Variants in ZMIZ2 observed in about 807,000 individuals in gnomAD.
The protein encoded by ZMIZ2 is zinc finger MIZ domain-containing protein 2.
ZMIZ2 carries 26 observed loss-of-function variants against 93.9 expected under a neutral mutation model. That is an observed-to-expected ratio of 0.28 (90% CI 0.20 to 0.38). ZMIZ2 has a LOEUF of 0.38. ZMIZ2 is among the 10% of genes least tolerant of loss of function. The probability of loss-of-function intolerance (pLI) is 1.00; values close to 1 mark genes in which losing one functional copy is unlikely to be tolerated. For missense variants in ZMIZ2, 1,023 were observed against 1,235.0 expected, an observed-to-expected ratio of 0.83 and a Z score of 2.57; for synonymous variants, 485 against 516.4, an observed-to-expected ratio of 0.94 and a Z score of 0.82.
chr7:44,764,493 C>G lies in ZMIZ2; in HGVS notation c.1928+7C>G. 6.2e-7 allele frequency: 1 copy of G among 1,614,052 alleles called. No homozygotes were observed. Among genetic ancestry groups the G allele is most frequent in the Non-Finnish European group, 8.5e-7 (1 of 1,179,960 alleles). ...GGAGGTGTCCTGTGTGCAAGTGAGT[C>G]TCAGATGCAGCGTGTGATGGAGGAG... On this transcript the variant is annotated splice_region_variant and intron_variant, in intron 14 of 18. Transcript: ENST00000309315.
In ZMIZ2 at chr7:44,766,796, G is replaced by GC; in HGVS notation, c.2655+134dup. The GC allele has an allele frequency of 7.1e-7, 1 of 1,415,808 alleles. No homozygotes were observed. Among genetic ancestry groups the GC allele is most frequent in the Non-Finnish European group, 9.4e-7 (1 of 1,058,318 alleles). 87.7% of individuals were successfully genotyped at this position (1,415,808 alleles called of 1,614,324 possible). Reference sequence around the variant, plus strand: ...GGTCAGATAAGGTCAACTAAATGCAGCTTTTGTTCATGAATTAGATACCTG... The same window carrying GC: ...GGTCAGATAAGGTCAACTAAATGCAGCCTTTTGTTCATGAATTAGATACCTG... On this transcript the variant is annotated intron_variant, in intron 18 of 18. Transcript: ENST00000309315. This position sits in a 1 kb window ranked among gnomAD's most constrained non-coding sequence, Gnocchi z 4.4.
chr7:44,764,069 C>T (rs1456150329), intron 13 of ZMIZ2, among the ~76,000 whole-genome samples: 3 of 152,070 alleles, frequency 2.0e-5, no homozygotes, highest in Non-Finnish European at 2.9e-5. Context: ...ACCTGGGAGG[C>T]GGAGGTTGCA....
In ZMIZ2 at chr7:44,763,499, C is replaced by T. The variant is rs765330715; in HGVS notation, c.1860+86C>T. On this transcript the variant is annotated intron_variant, in intron 13 of 18. Coordinates refer to ENST00000309315, the MANE Select transcript of ZMIZ2 (RefSeq NM_031449.4). This position sits in a 1 kb window ranked among gnomAD's most constrained non-coding sequence, Gnocchi z 5.6. ...ACATCAGTGTCATTCTCTGGACAGACGTGAACTCCGAGTGCCTTGGCTGTC... is the reference window on the plus strand; with the variant it reads ...ACATCAGTGTCATTCTCTGGACAGATGTGAACTCCGAGTGCCTTGGCTGTC... 169 of 1,528,920 alleles carry T rather than the reference C, an allele frequency of 1.1e-4. No homozygotes were observed. The highest frequency in any genetic ancestry group is 1.3e-4 in the Non-Finnish European group (152 of 1,128,974). 94.7% of individuals were successfully genotyped at this position (1,528,920 alleles called of 1,614,324 possible).
chr7:44,757,354 G>T, intron 4 of ZMIZ2, 24 bp from the exon 5 acceptor site: 1 of 1,593,282 alleles, frequency 6.3e-7, no homozygotes, highest in South Asian at 1.1e-5. Context: ...CGCAGAGAGC[G>T]TGGCAATCCT....
chr7:44,750,928 G>T (rs1047271233), intron 1 of ZMIZ2: 6 of 152,216 alleles, frequency 3.9e-5, no homozygotes, highest in Non-Finnish European at 8.8e-5. Context: ...GAGATGAGAA[G>T]AGGATCTGCA....
chr7:44,760,223 A>G lies in ZMIZ2; in HGVS notation c.1066A>G (p.Ser356Gly), dbSNP rs768232131. Residue 356 changes from serine (S) to glycine (G), a missense_variant, in exon 8 of 19, where the codon AGT becomes GGT. Around this residue, in one of 3 missense-constraint regions of ZMIZ2, gnomAD observed 656 missense variants for 777.1 expected, o/e 0.84. Transcript: ENST00000309315. Reference protein sequence around the residue: ...GSVSYSQPGLSGPTRSIPGYP... With the variant: ...GSVSYSQPGLGGPTRSIPGYP... ...CGTCAGCTACAGCCAACCTGGCCTGAGTGGGGTAGGGGGCCTGGCCGGGAG... is the reference window on the plus strand; with the variant it reads ...CGTCAGCTACAGCCAACCTGGCCTGGGTGGGGTAGGGGGCCTGGCCGGGAG... The G allele has an allele frequency of 2.4e-5, 38 of 1,612,186 alleles. No individual in the cohort carries two copies. Among genetic ancestry groups the G allele is most frequent in the Non-Finnish European group, 2.9e-5 (34 of 1,179,262 alleles).
intron 1 of ZMIZ2, among the ~76,000 whole-genome samples, chr7:44,753,706 T>G (rs1353238459): frequency 6.6e-6 from 1 of 152,258 alleles, no homozygotes; most frequent in Admixed American, 6.5e-5. Flanking sequence ...TTTTTTCTTT[T>G]ATGGATCATG....
Position 44,765,445 on chromosome 7 carries a change from G to A in ZMIZ2, c.2108G>A (p.Cys703Tyr), listed in dbSNP as rs1404742692. 2 of 1,607,968 alleles carry A rather than the reference G, an allele frequency of 1.2e-6. No individual in the cohort carries two copies. The highest frequency in any genetic ancestry group is 8.5e-7 in the Non-Finnish European group (1 of 1,179,924). ...CCGGATGGGCCAGCACTGAAGCGCT[G>A]CCGCACCGTGAGCCCCGCCCACGTG... ...EEPDGPALKR[C>Y]RTVSPAHVLM... The change falls in exon 16 of 19, where the codon TGC becomes TAC. Residue 703 changes from cysteine (C) to tyrosine (Y), a missense_variant. Transcript: ENST00000309315. The surrounding 1 kb of genome is among the most constrained non-coding windows in gnomAD (Gnocchi z 4.1).
intron 9 of ZMIZ2, among the ~76,000 whole-genome samples, chr7:44,760,918 C>A (rs1210348536): frequency 6.6e-6 from 1 of 151,866 alleles, no homozygotes; most frequent in African/African-American, 2.4e-5. Context: ...CAAGCCTTCA[C>A]CTTTTTGTTC....
chr7:44,768,261 G>C lies in ZMIZ2; in HGVS notation c.*638G>C, dbSNP rs1194512361. On this transcript the variant is annotated 3_prime_UTR_variant, in exon 19 of 19. Transcript: ENST00000309315. ...TACAAAGCACAACAATGTACATAGTGTAGAAACACTAACAGCTGGGAGAGG... is the reference window on the plus strand; with the variant it reads ...TACAAAGCACAACAATGTACATAGTCTAGAAACACTAACAGCTGGGAGAGG... 4 of 154,230 alleles carry C rather than the reference G, an allele frequency of 2.6e-5. No homozygotes were observed. The highest frequency in any genetic ancestry group is 9.6e-5 in the African/African-American group (4 of 41,456). 9.6% of individuals were successfully genotyped at this position (154,230 alleles called of 1,614,324 possible). A position where few individuals can be genotyped will look rare whatever the true frequency, so the allele number is the denominator to read the frequency against.
At chr7:44,762,756 T>G in intron 11 of ZMIZ2, 125 bp from the exon 12 acceptor site, 2 of 342,532 alleles carry the variant, frequency 5.8e-6, no homozygotes, top group Non-Finnish European at 1.0e-5. Flanking sequence ...CAGCTCACCC[T>G]GCCCTCAGCC....
rs751811507 is a variant in ZMIZ2, at chr7:44,757,835, T to C, written c.553-13T>C. ...GGTGGGACCTGGACCATTCTTCTTTTTTCTCTTCCTAGATGGGGGCCGGAC... is the reference window on the plus strand; with the variant it reads ...GGTGGGACCTGGACCATTCTTCTTTCTTCTCTTCCTAGATGGGGGCCGGAC... On this transcript the variant is annotated splice_polypyrimidine_tract_variant and intron_variant, in intron 5 of 18. Coordinates refer to ENST00000309315, the MANE Select transcript of ZMIZ2 (RefSeq NM_031449.4). 3.9e-6 allele frequency: 6 copies of C among 1,536,338 alleles called. No homozygotes were observed. In the Admixed American group the frequency reaches 1.1e-4, roughly 27 times the overall value.
At chr7:44,750,534 A>G (rs1267274676) in intron 1 of ZMIZ2, among the ~76,000 whole-genome samples, 3 of 152,102 alleles carry the variant, frequency 2.0e-5, no homozygotes, top group Non-Finnish European at 4.4e-5. Context: ...TGTGTGACCT[A>G]TTGAGAAGCG....
At chr7:44,764,537 G>A in intron 14 of ZMIZ2, 51 bp downstream of exon 14, 1 of 1,588,808 alleles carries the variant, frequency 6.3e-7, no homozygotes. Context: ...GCTTTTAGAG[G>A]CTTTCATGGG....
Position 44,765,199 on chromosome 7 carries a change from A to T in ZMIZ2, c.1998-136A>T, listed in dbSNP as rs1393424472. On this transcript the variant is annotated intron_variant, in intron 15 of 18. Coordinates refer to ENST00000309315, the MANE Select transcript of ZMIZ2 (RefSeq NM_031449.4). This position sits in a 1 kb window ranked among gnomAD's most constrained non-coding sequence, Gnocchi z 4.1. The stretch of plus-strand genomic sequence containing the variant: ...GGTGCTGGGCCCAGCGTCCTGCTCG[A>T]TGTGGAAGGTGCTGGGTGGAAGCAA... 9 of 1,509,848 alleles carry T rather than the reference A, an allele frequency of 6.0e-6. 1 individual carries two copies. In the East Asian group the frequency reaches 1.6e-4, roughly 27 times the overall value. 93.5% of individuals were successfully genotyped at this position (1,509,848 alleles called of 1,614,324 possible).
intron 1 of ZMIZ2, among the ~76,000 whole-genome samples, chr7:44,754,744 C>T (rs1214446212): frequency 2.0e-5 from 3 of 152,152 alleles, no homozygotes; most frequent in East Asian, 1.9e-4. Flanking sequence ...GTGGTCAGCA[C>T]GCCTCAGGTG....
chr7:44,767,365 G>C, intron 18 of ZMIZ2, 151 bp from the exon 19 acceptor site: 1 of 697,444 alleles, frequency 1.4e-6, no homozygotes, highest in Non-Finnish European at 2.5e-6. Context: ...CAGGCCTATG[G>C]TGGGGCCCCG....
intron 11 of ZMIZ2, 80 bp from the exon 12 acceptor site, chr7:44,762,800 CA>C (rs376177686): frequency 9.2e-6 from 10 of 1,086,386 alleles, no homozygotes; most frequent in Non-Finnish European, 9.9e-6. Flanking sequence ...CCCTGACACA[CA>C]ACCCCCAGCA....
rs939040987 is a variant in ZMIZ2 at position 44,767,573 on chromosome 7, C to T, written c.2713C>T (p.Leu905Phe). 6.2e-7 allele frequency: 1 copy of T among 1,614,172 alleles called. No individual in the cohort carries two copies. Among genetic ancestry groups the T allele is most frequent in the South Asian group, 1.1e-5 (1 of 91,086 alleles). ...ELLSYLGPPD[L>F]PTNNNDDLLS... ...ACTGTCCTACTTGGGCCCACCCGAC[C>T]TCCCTACGAACAACAATGACGACCT... The change falls in exon 19 of 19, where the codon CTC becomes TTC. Residue 905 changes from leucine to phenylalanine, a missense_variant. Leu to Phe is a conservative substitution (Grantham distance 22). This residue lies in a region of ZMIZ2 where 319 missense variants were observed against 358.8 expected (regional missense o/e 0.89). Transcript: ENST00000309315.
Sources: allele counts gnomAD v4.1 joint callset (sites outside exome capture counted in the v4.1 genomes callset), GRCh38; gene constraint gnomAD v4.1.1; regional missense constraint gnomAD v4.1.1; non-coding constraint Gnocchi (gnomAD v3.1); transcripts MANE v1.5; gene names NCBI Gene and HGNC (gene_info 2026-07-23, HGNC 2026-07-21).